Variants in ADGRG4 observed in about 807,000 individuals in gnomAD.
ADGRG4 encodes adhesion G protein-coupled receptor G4, also known as G protein-coupled receptor 112.
ADGRG4 carries 122 observed loss-of-function variants against 126.2 expected under a neutral mutation model. The ratio of observed to expected loss-of-function variants is 0.97; its 90% confidence interval spans 0.83 to 1.12. The LOEUF (loss-of-function observed/expected upper bound fraction) is 1.12. Ranked by LOEUF, ADGRG4 falls within the 50% of genes most tolerant of loss-of-function variation. The pLI, the probability that ADGRG4 is intolerant of heterozygous loss-of-function variation, is 0.00. For synonymous variants in ADGRG4, 943 were observed against 838.7 expected (o/e 1.12, Z -2.15); for missense variants, 2,481 against 2,251.8 (o/e 1.10, Z -2.06).
rs766173318 is a variant in ADGRG4 at position 136,344,646 on chromosome X, G to T, written c.940G>T (p.Ala314Ser). Reference sequence around the variant, plus strand: ...ACTGGTAGATGAGACAGCTACATTTGCAGTGGATGTTTTATCAACTTCATC... The same window carrying T: ...ACTGGTAGATGAGACAGCTACATTTTCAGTGGATGTTTTATCAACTTCATC... ...KTLVDETATF[A>S]VDVLSTSSAI... Residue 314 changes from alanine to serine, a missense_variant, in exon 6 of 26, where the codon GCA becomes TCA. Transcript: ENST00000394143. 4.1e-6 allele frequency: 5 copies of T among 1,210,327 alleles called. No individual in the cohort carries two copies. In the Admixed American group the frequency reaches 1.1e-4, roughly 26 times the overall value.
chrX:136,375,675 G>C (rs957158687), intron 15 of ADGRG4, among the ~76,000 whole-genome samples: 1 of 111,819 alleles, frequency 8.9e-6, no homozygotes, highest in African/African-American at 3.2e-5. Flanking sequence ...TTGGGTGTTT[G>C]TATATCTTCT....
chrX:136,316,403 A>C (rs183950163), intron 4 of ADGRG4, among the ~76,000 whole-genome samples: 20 of 111,482 alleles, frequency 1.8e-4, no homozygotes, highest in Admixed American at 7.6e-4. Context: ...AAAAAAAAAA[A>C]CAAACCATTC....
chrX:136,392,351 C>T lies in ADGRG4; in HGVS notation c.8031C>T (p.Asn2677=). 8.7e-7 allele frequency: 1 copy of T among 1,154,142 alleles called. No homozygotes were observed. The highest frequency in any genetic ancestry group is 3.1e-5 in the East Asian group (1 of 32,636). ...VVITLQHIGG[N]QNYGQVHCAF... is the part of the protein sequence containing the mutation. ...TCACTCTGCAGCATATTGGAGGAAA[C>T]CAGGTAATATATCTATTTTCAGCTC... The change falls in exon 17 of 26, where the codon AAC becomes AAT. Residue 2677 remains asparagine (N), a synonymous_variant. Coordinates refer to ENST00000394143, the MANE Select transcript of ADGRG4 (RefSeq NM_153834.4).
At chrX:136,311,728 G>T (rs1249032709) in intron 4 of ADGRG4, among the ~76,000 whole-genome samples, 1 of 111,461 alleles carries the variant, frequency 9.0e-6, no homozygotes, top group Non-Finnish European at 1.9e-5. Flanking sequence ...CAGTCCTTAG[G>T]CTGTAGAGAC....
At chrX:136,323,942 T>C (rs774595564) in intron 5 of ADGRG4, among the ~76,000 whole-genome samples, 1 of 112,032 alleles carries the variant, frequency 8.9e-6, no homozygotes, top group Non-Finnish European at 1.9e-5. Context: ...TTTCATGACC[T>C]AGACATTTTT....
intron 5 of ADGRG4, among the ~76,000 whole-genome samples, chrX:136,343,429 A>G (rs1485451311): frequency 9.0e-6 from 1 of 111,487 alleles, no homozygotes; most frequent in East Asian, 2.8e-4. Flanking sequence ...GTCAAGAGAT[A>G]TAACTTTGAG....
rs190480508 is a variant in ADGRG4, at chrX:136,341,130, G to A, written c.686-3262G>A. On this transcript the variant is annotated intron_variant, in intron 5 of 25. Transcript: ENST00000394143. ...TTCCTTCTTGAGATGCTTACTGGAA[G>A]TGTTAATAACAATTGCTACATCTAT... 3.6e-3 allele frequency among the ~76,000 whole-genome samples: 398 copies of A among 111,785 alleles called. 1 individual carries two copies. The highest frequency in any genetic ancestry group is 9.3e-3 in the Middle Eastern group (2 of 214).
At chrX:136,351,958 T>C (rs910950087) in intron 7 of ADGRG4, among the ~76,000 whole-genome samples, 6 of 111,258 alleles carry the variant, frequency 5.4e-5, no homozygotes, top group African/African-American at 2.0e-4. Flanking sequence ...ACAATGAATG[T>C]TTTACTTATC....
At chrX:136,402,012 C>T (rs1393844108) in intron 21 of ADGRG4, among the ~76,000 whole-genome samples, 1 of 112,306 alleles carries the variant, frequency 8.9e-6, no homozygotes, top group South Asian at 3.7e-4. Context: ...TATGTGGATA[C>T]ATGCACGGTC....
chrX:136,385,886 G>A (rs1467301524), intron 15 of ADGRG4, among the ~76,000 whole-genome samples: 1 of 111,183 alleles, frequency 9.0e-6, no homozygotes, highest in Non-Finnish European at 1.9e-5. Context: ...CATATATTTG[G>A]GCAGAATTTA....
Position 136,345,674 on chromosome X carries a change from G to T in ADGRG4, c.1968G>T (p.Trp656Cys). The T allele has an allele frequency of 8.3e-7, 1 of 1,210,797 alleles. No individual in the cohort carries two copies. The highest frequency in any genetic ancestry group is 1.1e-6 in the Non-Finnish European group (1 of 894,829). The change falls in exon 6 of 26, where the codon TGG (tryptophan) becomes TGT (cysteine). Residue 656 changes from tryptophan to cysteine, a missense_variant. Coordinates refer to ENST00000394143, the MANE Select transcript of ADGRG4 (RefSeq NM_153834.4). ...AHLFSSNETI[W>C]TSRPDQALLA... is the part of the protein sequence containing the mutation. ...TGTTCTCCAGCAATGAGACCATTTG[G>T]ACTTCTAGGCCAGACCAGGCCCTGC...
chrX:136,343,225 A>G (rs1432587833), intron 5 of ADGRG4, among the ~76,000 whole-genome samples: 1 of 110,806 alleles, frequency 9.0e-6, no homozygotes, highest in African/African-American at 3.3e-5. Flanking sequence ...TGGAGCTTGC[A>G]TAATTTAATG....
At chrX:136,413,604 G>A (rs1256275643) in intron 24 of ADGRG4, among the ~76,000 whole-genome samples, 2 of 111,496 alleles carry the variant, frequency 1.8e-5, no homozygotes, top group Non-Finnish European at 3.8e-5. Flanking sequence ...AGGCATCCTT[G>A]GTATGTGAAT....
intron 13 of ADGRG4, 89 bp downstream of exon 13, chrX:136,363,684 C>T (rs961002292): frequency 1.7e-6 from 1 of 592,780 alleles, no homozygotes; most frequent in Admixed American, 2.4e-5. Context: ...ATAGGCAAAC[C>T]CCACTTAGGA....
In ADGRG4 at chrX:136,400,056, G is replaced by A; in HGVS notation, c.8515G>A (p.Val2839Ile). ...LEAVHMYLAL[V>I]KVFNIYIPNY... ...GGCAGTCCACATGTATTTGGCTCTA[G>A]TCAAAGTCTTCAACATATACATTCC... The change falls in exon 21 of 26, where the codon GTC becomes ATC. Residue 2839 changes from valine to isoleucine, a missense_variant. By Grantham distance (29) the Val-to-Ile change is conservative (BLOSUM62 3). Transcript: ENST00000394143. 2 of 1,206,669 alleles carry A rather than the reference G, an allele frequency of 1.7e-6. No individual in the cohort carries two copies. The highest frequency in any genetic ancestry group is 2.2e-6 in the Non-Finnish European group (2 of 890,948).
At chrX:136,329,038 C>T (rs2074892228) in intron 5 of ADGRG4, among the ~76,000 whole-genome samples, 1 of 110,756 alleles carries the variant, frequency 9.0e-6, no homozygotes, top group African/African-American at 3.3e-5. Flanking sequence ...ATGCAGACAC[C>T]ACTTTGAAAA....
intron 11 of ADGRG4, among the ~76,000 whole-genome samples, chrX:136,359,785 C>A (rs1246364786): frequency 2.7e-5 from 3 of 111,568 alleles, no homozygotes; most frequent in Non-Finnish European, 5.6e-5. Flanking sequence ...ACAATAAATG[C>A]CTAATAGATA....
rs2075464959 is a variant in ADGRG4 at position 136,414,301 on chromosome X, C to T, written c.9179C>T (p.Thr3060Ile). The T allele has an allele frequency of 8.3e-7, 1 of 1,201,058 alleles. No individual in the cohort carries two copies. ...TFKSLGSAQGTPSEISFPNDD... is the reference protein window; with the variant it reads ...TFKSLGSAQGIPSEISFPNDD... The stretch of plus-strand genomic sequence containing the variant: ...AAATCTTTAGGCTCTGCACAAGGCA[C>T]ACCTTCAGAAATAAGCTTTCCAAAT... The change falls in exon 25 of 26, where the codon ACA becomes ATA. Residue 3060 changes from threonine to isoleucine, a missense_variant. Transcript: ENST00000394143.
At chrX:136,405,446 A>G (rs1404498835) in intron 22 of ADGRG4, among the ~76,000 whole-genome samples, 1 of 111,106 alleles carries the variant, frequency 9.0e-6, no homozygotes, top group African/African-American at 3.3e-5. Context: ...GTTTCTGCAT[A>G]TGTAGGGCAG....
Sources: gnomAD v4.1 joint callset for allele counts (sites outside exome capture counted in the v4.1 genomes callset) on GRCh38, gnomAD v4.1.1 for gene constraint, MANE v1.5 for transcripts, NCBI Gene and HGNC (gene_info 2026-07-23, HGNC 2026-07-21) for gene names.